The following CNTNAP2 variants were observed in gnomAD, a reference collection of about 807,000 sequenced individuals.
CNTNAP2 encodes contactin associated protein 2, also known as contactin-associated protein-like 2.
In CNTNAP2, 98 loss-of-function variants were observed where a neutral mutation model predicts 155.2. The ratio of observed to expected loss-of-function variants is 0.63; its 90% CI spans 0.54 to 0.75. The LOEUF is 0.75. Ranked by LOEUF, CNTNAP2 falls within the 30% of genes least tolerant of loss-of-function variation. The pLI is 0.00. For missense variants in CNTNAP2, 1,727 were observed against 1,688.1 expected, an observed-to-expected ratio of 1.02 and a Z score of -0.40; for synonymous variants, 651 against 631.2, an observed-to-expected ratio of 1.03 and a Z score of -0.47.
intron 21 of CNTNAP2, 80 bp from the exon 22 acceptor site, chr7:148,383,569 A>G (rs1799118056): frequency 6.3e-7 from 1 of 1,589,392 alleles, no homozygotes; most frequent in African/African-American, 1.3e-5. Flanking sequence ...AGCTTTGGAC[A>G]CAAGCATTCA....
chr7:147,354,725 G>A (rs1396064897), intron 9 of CNTNAP2, among the ~76,000 whole-genome samples: 2 of 152,138 alleles, frequency 1.3e-5, no homozygotes, highest in Non-Finnish European at 2.9e-5. Context: ...ATTACTTTGG[G>A]CAGTATGGCC....
intron 14 of CNTNAP2, among the ~76,000 whole-genome samples, chr7:147,938,694 T>A (rs1295095142): frequency 1.3e-5 from 2 of 152,124 alleles, no homozygotes; most frequent in Non-Finnish European, 2.9e-5. Flanking sequence ...ACTGGTACAA[T>A]TTATAAAGTA....
At chr7:148,040,591 C>T (rs1802653926) in intron 15 of CNTNAP2, among the ~76,000 whole-genome samples, 1 of 152,228 alleles carries the variant, frequency 6.6e-6, no homozygotes, top group African/African-American at 2.4e-5. Flanking sequence ...CCACACCCCG[C>T]CTTTTTCCTA....
intron 1 of CNTNAP2, among the ~76,000 whole-genome samples, chr7:146,183,799 C>A (rs1016653788): frequency 2.6e-5 from 4 of 152,082 alleles, no homozygotes; most frequent in Middle Eastern, 6.8e-3. Flanking sequence ...TTATAATACT[C>A]CTCCCACCTA....
At chr7:146,746,033 TTC>T (rs2129181731) in intron 1 of CNTNAP2, among the ~76,000 whole-genome samples, 1 of 152,336 alleles carries the variant, frequency 6.6e-6, no homozygotes, top group East Asian at 1.9e-4. Flanking sequence ...GTAGACTATC[TTC>T]TCATTAGGAT....
chr7:147,748,079 T>C (rs1022010993), intron 13 of CNTNAP2, among the ~76,000 whole-genome samples: 2 of 146,024 alleles, frequency 1.4e-5, no homozygotes, highest in Admixed American at 6.6e-5. Context: ...ATTTGCAAGA[T>C]AGAAAAGAAC....
chr7:146,146,602 C>T (rs186566641), intron 1 of CNTNAP2, among the ~76,000 whole-genome samples: 229 of 152,002 alleles, frequency 1.5e-3, no homozygotes, highest in African/African-American at 5.2e-3. Flanking sequence ...GAGAAACCAC[C>T]AAGACCACCA....
intron 3 of CNTNAP2, among the ~76,000 whole-genome samples, chr7:147,001,194 G>T (rs189801007): frequency 6.6e-6 from 1 of 151,984 alleles, no homozygotes; most frequent in African/African-American, 2.4e-5. Flanking sequence ...CTATGACAAG[G>T]TACAGTCATC....
intron 18 of CNTNAP2, among the ~76,000 whole-genome samples, chr7:148,183,745 G>A (rs1241862796): frequency 6.6e-6 from 1 of 152,056 alleles, no homozygotes; most frequent in African/African-American, 2.4e-5. Flanking sequence ...GCCTCCCAAA[G>A]AGCTGGGATT....
chr7:147,268,949 T>G (rs73742512), intron 8 of CNTNAP2, among the ~76,000 whole-genome samples: 19,131 of 152,274 alleles, frequency 0.13, 1,275 homozygotes, highest in Non-Finnish European at 0.15. Flanking sequence ...AAATGGAGTC[T>G]TTATTTAATG....
intron 13 of CNTNAP2, among the ~76,000 whole-genome samples, chr7:147,817,778 G>T (rs544324391): frequency 6.6e-6 from 1 of 151,848 alleles, no homozygotes; most frequent in East Asian, 1.9e-4. Flanking sequence ...GATGGTGGGC[G>T]CCTGTAGTCC....
At chr7:148,125,667 G>T in intron 16 of CNTNAP2, among the ~76,000 whole-genome samples, 1 of 142,422 alleles carries the variant, frequency 7.0e-6, no homozygotes, top group Admixed American at 6.9e-5. Flanking sequence ...GTGTGTGTGT[G>T]TGTGTGTGTG....
intron 12 of CNTNAP2, among the ~76,000 whole-genome samples, chr7:147,562,678 T>C (rs188410186): frequency 5.3e-4 from 80 of 152,318 alleles, no homozygotes; most frequent in African/African-American, 1.9e-3. Context: ...AGAAGAAATC[T>C]TTCTAAGTCC....
Position 148,098,321 on chromosome 7 carries a change from G to C in CNTNAP2, c.2384-19797G>C, listed in dbSNP as rs536701695. On this transcript the variant is annotated intron_variant, in intron 15 of 23. Transcript: ENST00000361727. The stretch of plus-strand genomic sequence containing the variant: ...TAGCTGAGTGTGGTGGCACACGCCT[G>C]TAGTCCCAGCTACTCGGGAGGCTGA... 2.3e-3 allele frequency among the ~76,000 whole-genome samples: 346 copies of C among 152,014 alleles called. 3 individuals carry two copies. The highest frequency in any genetic ancestry group is 7.9e-3 in the African/African-American group (328 of 41,446).
chr7:146,976,143 T>C (rs914057544), intron 3 of CNTNAP2, among the ~76,000 whole-genome samples: 7 of 152,208 alleles, frequency 4.6e-5, no homozygotes, highest in African/African-American at 1.7e-4. Flanking sequence ...AACCTAAAAA[T>C]ATCACAGAGG....
At chr7:148,345,190 G>A (rs1217013609) in intron 21 of CNTNAP2, among the ~76,000 whole-genome samples, 1 of 152,160 alleles carries the variant, frequency 6.6e-6, no homozygotes, top group Non-Finnish European at 1.5e-5. Context: ...TTCACATGGA[G>A]GAGACGGGCA....
chr7:146,278,950 C>T (rs140208380), intron 1 of CNTNAP2, among the ~76,000 whole-genome samples: 31 of 152,152 alleles, frequency 2.0e-4, no homozygotes, highest in African/African-American at 6.3e-4. Flanking sequence ...TGGTAGCCCT[C>T]GCACATATGA....
chr7:147,070,986 G>A (rs570778706), intron 4 of CNTNAP2, among the ~76,000 whole-genome samples: 1 of 151,982 alleles, frequency 6.6e-6, no homozygotes, highest in Non-Finnish European at 1.5e-5. Context: ...CAGGACCTGG[G>A]TATATGGTTT....
At chr7:146,416,463 C>T (rs1795939913) in intron 1 of CNTNAP2, among the ~76,000 whole-genome samples, 1 of 152,112 alleles carries the variant, frequency 6.6e-6, no homozygotes, top group Non-Finnish European at 1.5e-5. Context: ...ATCAGCATGG[C>T]ACATTATAAC....
Sources: gnomAD v4.1 joint callset for allele counts (sites outside exome capture counted in the v4.1 genomes callset) on GRCh38, gnomAD v4.1.1 for gene constraint, MANE v1.5 for transcripts, NCBI Gene and HGNC (gene_info 2026-07-23, HGNC 2026-07-21) for gene names.